The following JARID2 variants were observed in gnomAD, a reference collection of about 807,000 sequenced individuals.
The protein encoded by JARID2 is jumonji and AT-rich interaction domain containing 2.
Under a neutral mutation model 125.6 loss-of-function variants are expected in JARID2, and 21 were observed. The observed-to-expected ratio is 0.17, with a 90% CI of 0.12 to 0.24. The LOEUF is 0.24. JARID2 is among the 10% of genes least tolerant of loss of function. The pLI is 1.00. For synonymous variants in JARID2, 736 were observed against 661.6 expected (o/e 1.11, Z -1.73); for missense variants, 1,303 against 1,639.6 (o/e 0.79, Z 3.55).
At chr6:15,316,893 C>G (rs1203293542) in intron 1 of JARID2, among the ~76,000 whole-genome samples, 1 of 152,108 alleles carries the variant, frequency 6.6e-6, no homozygotes, top group Admixed American at 6.5e-5. Flanking sequence ...AATCTCAGCT[C>G]TCTATGGAAT....
At chr6:15,418,286 C>T (rs950964067) in intron 3 of JARID2, among the ~76,000 whole-genome samples, 2 of 143,908 alleles carry the variant, frequency 1.4e-5, no homozygotes, top group African/African-American at 2.6e-5. Context: ...GGCATGATCT[C>T]GTCTCACTGC....
At chr6:15,323,331 T>C (rs1762420743) in intron 1 of JARID2, among the ~76,000 whole-genome samples, 1 of 152,244 alleles carries the variant, frequency 6.6e-6, no homozygotes, top group Non-Finnish European at 1.5e-5. Context: ...GCCAGGTGTG[T>C]GTGTGTGACT....
At chr6:15,385,783 GA>G in intron 2 of JARID2, among the ~76,000 whole-genome samples, 1 of 152,066 alleles carries the variant, frequency 6.6e-6, no homozygotes, top group Non-Finnish European at 1.5e-5. Flanking sequence ...CTGTTCAGGG[GA>G]CTGAGAGTCT....
At chr6:15,472,832 C>T (rs1423156338) in intron 5 of JARID2, among the ~76,000 whole-genome samples, 1 of 152,240 alleles carries the variant, frequency 6.6e-6, no homozygotes, top group Non-Finnish European at 1.5e-5. Context: ...GCATGTCCCT[C>T]TGCAATTTAA....
chr6:15,394,344 G>A (rs1765136420), intron 2 of JARID2, among the ~76,000 whole-genome samples: 1 of 152,176 alleles, frequency 6.6e-6, no homozygotes, highest in Non-Finnish European at 1.5e-5. Context: ...GAATGCAGTG[G>A]CTCATGCTCA....
chr6:15,442,950 G>T (rs1333376458), intron 3 of JARID2, among the ~76,000 whole-genome samples: 1 of 152,074 alleles, frequency 6.6e-6, no homozygotes, highest in African/African-American at 2.4e-5. Context: ...GATGTCACCA[G>T]CTACCTGAGA....
chr6:15,424,144 T>TG (rs1431934435), intron 3 of JARID2, among the ~76,000 whole-genome samples: 4 of 151,928 alleles, frequency 2.6e-5, no homozygotes, highest in African/African-American at 9.7e-5. Context: ...TTTTTTTTTT[T>TG]TTTTTAAGAG....
At chr6:15,274,141 G>A (rs1760404256) in intron 1 of JARID2, among the ~76,000 whole-genome samples, 2 of 152,122 alleles carry the variant, frequency 1.3e-5, no homozygotes, top group Admixed American at 1.3e-4. Context: ...TTTTGGCCAG[G>A]CTGGTCTTGA....
intron 2 of JARID2, among the ~76,000 whole-genome samples, chr6:15,408,661 C>T (rs1581517856): frequency 6.6e-6 from 1 of 152,204 alleles, no homozygotes; most frequent in East Asian, 1.9e-4. Flanking sequence ...ATTAATACAA[C>T]ATTGTCAATG....
chr6:15,271,780 A>T (rs1484368372), intron 1 of JARID2, among the ~76,000 whole-genome samples: 1 of 152,278 alleles, frequency 6.6e-6, no homozygotes, highest in East Asian at 1.9e-4. Context: ...CTGGCAGATC[A>T]CTTGAGGCCA....
intron 1 of JARID2, among the ~76,000 whole-genome samples, chr6:15,285,144 C>A (rs1465599314): frequency 8.3e-6 from 1 of 120,252 alleles, no homozygotes; most frequent in East Asian, 2.6e-4. Flanking sequence ...AAGTCTTGCT[C>A]TTGTTCTCCA....
chr6:15,416,360 G>A (rs1221368572), intron 3 of JARID2, among the ~76,000 whole-genome samples: 1 of 152,158 alleles, frequency 6.6e-6, no homozygotes, highest in Non-Finnish European at 1.5e-5. Context: ...AGTTTGTAGC[G>A]AGCCGAGATC....
chr6:15,346,136 A>C (rs1763237943), intron 1 of JARID2, among the ~76,000 whole-genome samples: 1 of 152,218 alleles, frequency 6.6e-6, no homozygotes. Context: ...ATGCGCATTA[A>C]AGCATCTATT....
intron 3 of JARID2, among the ~76,000 whole-genome samples, chr6:15,439,832 C>T (rs994576224): frequency 1.3e-5 from 2 of 152,228 alleles, no homozygotes; most frequent in African/African-American, 2.4e-5. Flanking sequence ...TTCCCAGTCT[C>T]ACCCCTGGGA....
rs112291144 is a variant in JARID2, at chr6:15,443,913, G to A, written c.324-8093G>A. On this transcript the variant is annotated intron_variant, in intron 3 of 17. Transcript: ENST00000341776. The stretch of plus-strand genomic sequence containing the variant: ...CACTGACCAAGCAAAACATCATAAT[G>A]TTTCATCTTGAGGGGAATTCAACTA... Among the ~76,000 whole-genome samples the A allele has an allele frequency of 5.1e-3, 782 of 152,222 alleles. 4 individuals are homozygous for A. The highest frequency in any genetic ancestry group is 7.7e-3 in the Non-Finnish European group (522 of 68,018).
chr6:15,308,606 C>G (rs367549641), intron 1 of JARID2, among the ~76,000 whole-genome samples: 2 of 152,134 alleles, frequency 1.3e-5, no homozygotes, highest in African/African-American at 4.8e-5. Context: ...TTAAAAACAA[C>G]GAGATTAGGT....
chr6:15,395,057 A>G (rs1765167552), intron 2 of JARID2, among the ~76,000 whole-genome samples: 2 of 152,104 alleles, frequency 1.3e-5, no homozygotes, highest in Admixed American at 6.5e-5. Flanking sequence ...GTATTAACCA[A>G]CAAACTAATT....
chr6:15,411,747 T>C (rs557121830), intron 3 of JARID2, among the ~76,000 whole-genome samples: 2 of 152,306 alleles, frequency 1.3e-5, no homozygotes, highest in African/African-American at 4.8e-5. Flanking sequence ...GCATCTGGCA[T>C]GCATCTGGCA....
At chr6:15,274,829 A>G (rs1444289886) in intron 1 of JARID2, among the ~76,000 whole-genome samples, 1 of 152,128 alleles carries the variant, frequency 6.6e-6, no homozygotes, top group Non-Finnish European at 1.5e-5. Flanking sequence ...GTCCTTGTGC[A>G]TATTAGTGGG....
Sources: gnomAD v4.1 joint callset for allele counts (sites outside exome capture counted in the v4.1 genomes callset) on GRCh38, gnomAD v4.1.1 for gene constraint, MANE v1.5 for transcripts, NCBI Gene and HGNC (gene_info 2026-07-23, HGNC 2026-07-21) for gene names.